The following PITPNM2 variants were observed in gnomAD, a reference collection of about 807,000 sequenced individuals.
The protein encoded by PITPNM2 is phosphatidylinositol transfer protein membrane associated 2, also known as membrane-associated phosphatidylinositol transfer protein 2.
In PITPNM2, 35 loss-of-function variants were observed where a neutral mutation model predicts 132.2. That is an observed-to-expected ratio of 0.26 (90% CI 0.20 to 0.35). The LOEUF (loss-of-function observed/expected upper bound fraction) is 0.35, where lower values mean the gene tolerates loss of function less well. Among genes scored for constraint, PITPNM2 ranks in the 10% least tolerant of loss-of-function variants. The pLI is 1.00. For missense variants in PITPNM2, 1,332 were observed against 1,912.0 expected (o/e 0.70, Z 5.66); for synonymous variants, 738 against 799.2 (o/e 0.92, Z 1.29).
At chr12:123,127,375 C>T (rs1490655642) in intron 1 of PITPNM2, among the ~76,000 whole-genome samples, 2 of 152,058 alleles carry the variant, frequency 1.3e-5, no homozygotes, top group Non-Finnish European at 2.9e-5. Context: ...GTGTTGATGC[C>T]CAAGCAAACA....
At chr12:123,048,244 CT>C (rs1244232392) in intron 2 of PITPNM2, among the ~76,000 whole-genome samples, 2 of 152,166 alleles carry the variant, frequency 1.3e-5, no homozygotes, top group Non-Finnish European at 2.9e-5. Context: ...TGGATGAACT[CT>C]GAAGACATTA....
At position 122,988,834 on chromosome 12, in the gene PITPNM2, C is replaced by T. The variant is rs1465194854; in HGVS notation, c.2770G>A (p.Ala924Thr). 1.8e-5 allele frequency: 28 copies of T among 1,580,346 alleles called. No homozygotes were observed. Among genetic ancestry groups the T allele is most frequent in the South Asian group, 2.3e-5 (2 of 86,354 alleles). Residue 924 changes from alanine to threonine, a missense_variant, in exon 19 of 26, where the codon GCC becomes ACC. Physicochemically the swap from Ala to Thr is moderately conservative, Grantham distance 58. Transcript: ENST00000320201. ...KWWGQKRIDY[A>T]LYCPDALTAF... ...GTGAGGGCGTCAGGGCAGTACAGGG[C>T]GTAGTCGATCCGCTTCTGGCCCCAC... is the stretch of plus-strand genomic sequence containing the variant.
intron 25 of PITPNM2, 28 bp downstream of exon 25, chr12:122,986,408 C>T (rs1326689073): frequency 1.3e-6 from 2 of 1,565,024 alleles, no homozygotes; most frequent in Non-Finnish European, 8.7e-7. Flanking sequence ...TGCCCGCCTG[C>T]ACCCGCCCCC....
intron 2 of PITPNM2, among the ~76,000 whole-genome samples, chr12:123,038,432 T>C (rs650250): frequency 0.99 from 150,866 of 152,332 alleles, 74,725 homozygotes; most frequent in Middle Eastern, 1. Flanking sequence ...AGCCCCTGTA[T>C]CTGCTGAGCC....
chr12:123,008,603 C>T lies in PITPNM2; in HGVS notation c.643+1247G>A, dbSNP rs1406500228. 2.0e-5 allele frequency among the ~76,000 whole-genome samples: 3 copies of T among 152,202 alleles called. No homozygotes were observed. The highest frequency in any genetic ancestry group is 4.4e-5 in the Non-Finnish European group (3 of 68,026). The stretch of plus-strand genomic sequence containing the variant: ...AGAGGCAGGTTTGGGCCAATCTAAG[C>T]TCCCATGGGGTTAGAGAGATGGATT... On this transcript the variant is annotated intron_variant, in intron 6 of 25. Coordinates refer to ENST00000320201, the MANE Select transcript of PITPNM2 (RefSeq NM_020845.3). The surrounding 1 kb of genome is among the most constrained non-coding windows in gnomAD (Gnocchi z 4.1).
At chr12:123,067,298 A>G (rs1170347374) in intron 2 of PITPNM2, among the ~76,000 whole-genome samples, 1 of 152,180 alleles carries the variant, frequency 6.6e-6, no homozygotes, top group Admixed American at 6.5e-5. Context: ...TCTACCAAAA[A>G]TACAAAAATT....
rs938379234 is a variant in PITPNM2 at position 122,986,234 on chromosome 12, G to C, written c.3843C>G (p.Pro1281=). The C allele has an allele frequency of 5.7e-6, 9 of 1,572,836 alleles. No individual in the cohort carries two copies. The East Asian group carries it at 1.2e-4, about 20-fold the overall frequency. ...GGGAGCGCAGAAAGTCGCCCTGGCCGGGCAGGCCGAAGCTGCCCTTGCGCA... is the reference window on the plus strand; with the variant it reads ...GGGAGCGCAGAAAGTCGCCCTGGCCCGGCAGGCCGAAGCTGCCCTTGCGCA... The part of the protein sequence containing the change: ...MALRKGSFGL[P]GQGDFLRSRN... Residue 1281 remains proline (P), a synonymous_variant, in exon 26 of 26, where the codon CCC becomes CCG. Coordinates refer to ENST00000320201, the MANE Select transcript of PITPNM2 (RefSeq NM_020845.3).
At chr12:123,144,576 T>G (rs193032124) in intron 1 of PITPNM2, among the ~76,000 whole-genome samples, 4 of 152,182 alleles carry the variant, frequency 2.6e-5, no homozygotes, top group African/African-American at 9.6e-5. Context: ...GGATTACAGA[T>G]GGACACCACC....
chr12:123,132,001 G>A (rs1158814129), intron 1 of PITPNM2, among the ~76,000 whole-genome samples: 1 of 152,228 alleles, frequency 6.6e-6, no homozygotes, highest in East Asian at 1.9e-4. Context: ...CCACATTCAG[G>A]CTGTCTGCAT....
At position 123,002,031 on chromosome 12, in the gene PITPNM2, C is replaced by CA. The variant is rs559502036; in HGVS notation, c.1049-874dup. Among the ~76,000 whole-genome samples the CA allele has an allele frequency of 6.8e-3, 804 of 118,202 alleles. 2 individuals are homozygous for CA. Among genetic ancestry groups the CA allele is most frequent in the African/African-American group, 0.018 (578 of 31,980 alleles). The allele number at this position is 118,202 out of a possible 152,430, so 77.5% of individuals were successfully genotyped here. A position where few individuals can be genotyped will look rare whatever the true frequency, so the allele number is the denominator to read the frequency against. On this transcript the variant is annotated intron_variant, in intron 8 of 25. Transcript: ENST00000320201. ...GGGCGACAGAGCAAAACTCTTGTCTCAAAAAAAAAAAAAAGCTACATTTAG... is the reference window on the plus strand; with the variant it reads ...GGGCGACAGAGCAAAACTCTTGTCTCAAAAAAAAAAAAAAAGCTACATTTAG...
At chr12:123,089,785 G>A (rs1019836959) in intron 2 of PITPNM2, 12 of 152,206 alleles carry the variant, frequency 7.9e-5, no homozygotes, top group Non-Finnish European at 1.6e-4. Flanking sequence ...CATGGAGCAG[G>A]AAAGCAGGTA....
At chr12:123,098,158 C>A (rs541871904) in intron 2 of PITPNM2, among the ~76,000 whole-genome samples, 2 of 152,154 alleles carry the variant, frequency 1.3e-5, no homozygotes, top group Non-Finnish European at 2.9e-5. Context: ...ACCTGTACAA[C>A]GGAATCATGG....
At position 123,055,275 on chromosome 12, in the gene PITPNM2, C is replaced by T. The variant is rs1157483135; in HGVS notation, c.-95-20590G>A. 3.9e-5 allele frequency among the ~76,000 whole-genome samples: 6 copies of T among 152,106 alleles called. No individual in the cohort carries two copies. In the East Asian group the frequency reaches 7.7e-4, roughly 20 times the overall value. ...GTTGGAGAAAAGGGCAGATGCAGCTCGACATAAAGTCCAGTGTTCCCAACG... is the reference window on the plus strand; with the variant it reads ...GTTGGAGAAAAGGGCAGATGCAGCTTGACATAAAGTCCAGTGTTCCCAACG... On this transcript the variant is annotated intron_variant, in intron 2 of 25. Coordinates refer to ENST00000320201, the MANE Select transcript of PITPNM2 (RefSeq NM_020845.3).
chr12:123,079,491 C>T (rs1407784108), intron 2 of PITPNM2, among the ~76,000 whole-genome samples: 5 of 151,196 alleles, frequency 3.3e-5, no homozygotes, highest in South Asian at 2.1e-4. Context: ...GGATTATAGG[C>T]GCCCACCACC....
rs1290838768 is a variant in PITPNM2 at position 123,064,633 on chromosome 12, C to T, written c.-95-29948G>A. Reference sequence around the variant, plus strand: ...GTCAAAAACAAAACGAGCCCAGCAACACCCCTGTGTCAACAGGGTGGGAAG... The same window carrying T: ...GTCAAAAACAAAACGAGCCCAGCAATACCCCTGTGTCAACAGGGTGGGAAG... On this transcript the variant is annotated intron_variant, in intron 2 of 25. Coordinates refer to ENST00000320201, the MANE Select transcript of PITPNM2 (RefSeq NM_020845.3). The surrounding 1 kb of genome is among the most constrained non-coding windows in gnomAD (Gnocchi z 4.0). Among the ~76,000 whole-genome samples the T allele has an allele frequency of 6.6e-6, 1 of 152,232 alleles. No homozygotes were observed. The highest frequency in any genetic ancestry group is 2.4e-5 in the African/African-American group (1 of 41,462).
chr12:123,079,345 CTTTT>C (rs1164736488), intron 2 of PITPNM2, among the ~76,000 whole-genome samples: 26 of 90,254 alleles, frequency 2.9e-4, no homozygotes, highest in Admixed American at 1.5e-3. Context: ...TTTCTTTTTT[CTTTT>C]CTTTTTTTTT....
chr12:123,136,966 C>A (rs2043395731), intron 1 of PITPNM2, among the ~76,000 whole-genome samples: 1 of 152,186 alleles, frequency 6.6e-6, no homozygotes, highest in South Asian at 2.1e-4. Context: ...GTCATAGGCA[C>A]CACAGCACAC....
chr12:122,989,032 G>A (rs1013721517), intron 18 of PITPNM2, among the ~76,000 whole-genome samples, 160 bp from the exon 19 acceptor site: 1 of 152,222 alleles, frequency 6.6e-6, no homozygotes, highest in African/African-American at 2.4e-5. Flanking sequence ...AGGCAAGCGG[G>A]AGGGAGCGCA....
intron 2 of PITPNM2, among the ~76,000 whole-genome samples, chr12:123,054,874 G>A (rs1336603045): frequency 6.6e-6 from 1 of 152,144 alleles, no homozygotes; most frequent in African/African-American, 2.4e-5. Flanking sequence ...GATCAGCCTA[G>A]ACAACACAGT....
Sources: gnomAD v4.1 joint callset for allele counts (sites outside exome capture counted in the v4.1 genomes callset) on GRCh38, gnomAD v4.1.1 for gene constraint, Gnocchi (gnomAD v3.1) non-coding constraint, MANE v1.5 for transcripts, NCBI Gene and HGNC (gene_info 2026-07-23, HGNC 2026-07-21) for gene names.